COMMD10: variants seen among roughly 807,000 people sequenced by gnomAD.
COMMD10 encodes the protein COMM domain-containing protein 10.
A neutral mutation model predicts 28.9 loss-of-function variants in COMMD10; 33 were observed. That is an observed-to-expected ratio of 1.14 (90% CI 0.87 to 1.53). The LOEUF (loss-of-function observed/expected upper bound fraction) is 1.53. COMMD10 is among the 40% of genes most tolerant of loss of function. COMMD10 has a pLI of 0.00. For missense variants in COMMD10, 310 were observed against 233.4 expected (o/e 1.33, Z -2.14); for synonymous variants, 110 against 81.7 (o/e 1.35, Z -1.87).
At chr5:116,242,084 T>TC (rs1422681984) in intron 5 of COMMD10, among the ~76,000 whole-genome samples, 1 of 152,164 alleles carries the variant, frequency 6.6e-6, no homozygotes, top group African/African-American at 2.4e-5. Context: ...TAATGTACAT[T>TC]CCTTAACTCT....
intron 5 of COMMD10, among the ~76,000 whole-genome samples, chr5:116,204,482 C>T (rs1291003129): frequency 1.3e-5 from 2 of 150,672 alleles, no homozygotes; most frequent in East Asian, 3.9e-4. Flanking sequence ...AGTTCTGGTT[C>T]CTGATGGTAC....
intron 4 of COMMD10, among the ~76,000 whole-genome samples, chr5:116,112,226 T>G (rs1751068613): frequency 6.6e-6 from 1 of 152,190 alleles, no homozygotes. Flanking sequence ...TTCATTATTT[T>G]TTACTATTTT....
At chr5:116,245,161 AG>A (rs1749909686) in intron 5 of COMMD10, among the ~76,000 whole-genome samples, 1 of 152,122 alleles carries the variant, frequency 6.6e-6, no homozygotes, top group African/African-American at 2.4e-5. Flanking sequence ...AGAAATGATA[AG>A]GGGCGATTGC....
At chr5:116,202,455 C>T (rs944778210) in intron 5 of COMMD10, among the ~76,000 whole-genome samples, 399 of 152,072 alleles carry the variant, frequency 2.6e-3, no homozygotes, top group Non-Finnish European at 4.4e-3. Context: ...CCTGAGGAAT[C>T]GCCACACAGA....
chr5:116,125,705 G>C (rs1751605263), intron 4 of COMMD10, among the ~76,000 whole-genome samples: 1 of 152,002 alleles, frequency 6.6e-6, no homozygotes, highest in Non-Finnish European at 1.5e-5. Flanking sequence ...TATAGATTTG[G>C]TCTTTTCACA....
intron 5 of COMMD10, among the ~76,000 whole-genome samples, chr5:116,164,065 C>A (rs1580507986): frequency 6.6e-6 from 1 of 152,104 alleles, no homozygotes; most frequent in Admixed American, 6.5e-5. Context: ...GTCTGTAATC[C>A]CAGCATTTTG....
chr5:116,189,872 T>C (rs1402635532), intron 5 of COMMD10, among the ~76,000 whole-genome samples: 1 of 152,192 alleles, frequency 6.6e-6, no homozygotes, highest in Non-Finnish European at 1.5e-5. Context: ...TTTATTAATA[T>C]TATCTTTATT....
chr5:116,285,179 A>C (rs1751184201), intron 5 of COMMD10, among the ~76,000 whole-genome samples: 1 of 151,956 alleles, frequency 6.6e-6, no homozygotes, highest in Non-Finnish European at 1.5e-5. Context: ...ACAAGAGTAA[A>C]AATGGAGACC....
intron 5 of COMMD10, among the ~76,000 whole-genome samples, chr5:116,143,198 A>T (rs914819617): frequency 2.0e-4 from 30 of 151,050 alleles, no homozygotes; most frequent in African/African-American, 7.0e-4. Context: ...TCCTCCATAT[A>T]TGTGGGTGTG....
intron 5 of COMMD10, among the ~76,000 whole-genome samples, chr5:116,210,051 G>C (rs1248808037): frequency 6.6e-6 from 1 of 152,012 alleles, no homozygotes; most frequent in Non-Finnish European, 1.5e-5. Flanking sequence ...AAGAGGAGTT[G>C]TGCTTAGAAG....
intron 5 of COMMD10, among the ~76,000 whole-genome samples, chr5:116,238,293 G>T (rs1225987721): frequency 6.6e-6 from 1 of 152,166 alleles, no homozygotes; most frequent in Non-Finnish European, 1.5e-5. Flanking sequence ...ATATTTACTG[G>T]ACTGCATGAC....
At chr5:116,228,389 C>T (rs1234315355) in intron 5 of COMMD10, among the ~76,000 whole-genome samples, 1 of 151,386 alleles carries the variant, frequency 6.6e-6, no homozygotes, top group Non-Finnish European at 1.5e-5. Context: ...TTGATTTTGC[C>T]CAATGACACA....
intron 4 of COMMD10, among the ~76,000 whole-genome samples, chr5:116,104,344 C>T (rs1250557503): frequency 6.6e-6 from 1 of 152,102 alleles, no homozygotes; most frequent in Non-Finnish European, 1.5e-5. Flanking sequence ...TTGTAGTTCT[C>T]CTTGAAGAGG....
intron 5 of COMMD10, among the ~76,000 whole-genome samples, chr5:116,199,230 A>C (rs1437233505): frequency 6.6e-6 from 1 of 151,952 alleles, no homozygotes; most frequent in Non-Finnish European, 1.5e-5. Flanking sequence ...GCATCTTTTT[A>C]TATATTTATT....
chr5:116,238,516 A>G (rs1294677138), intron 5 of COMMD10, among the ~76,000 whole-genome samples: 1 of 152,210 alleles, frequency 6.6e-6, no homozygotes, highest in Non-Finnish European at 1.5e-5. Flanking sequence ...TTATTCAACA[A>G]ACCTAAAGCT....
intron 5 of COMMD10, among the ~76,000 whole-genome samples, chr5:116,155,693 T>A (rs925227686): frequency 2.0e-5 from 3 of 152,126 alleles, no homozygotes; most frequent in Middle Eastern, 3.4e-3. Flanking sequence ...CCTCCATATG[T>A]GTTGATTGTG....
chr5:116,275,563 T>G (rs979034591), intron 5 of COMMD10, among the ~76,000 whole-genome samples: 1 of 151,798 alleles, frequency 6.6e-6, no homozygotes. Context: ...CACATTGTCT[T>G]CATCATTGCT....
At chr5:116,167,366 T>G (rs955690726) in intron 5 of COMMD10, among the ~76,000 whole-genome samples, 1 of 152,092 alleles carries the variant, frequency 6.6e-6, no homozygotes, top group African/African-American at 2.4e-5. Flanking sequence ...AACCTGTGTT[T>G]GATTGGTGTA....
chr5:116,155,619 G>A (rs939458264), intron 5 of COMMD10, among the ~76,000 whole-genome samples: 5 of 152,060 alleles, frequency 3.3e-5, no homozygotes, highest in African/African-American at 1.2e-4. Flanking sequence ...ACAAAGTGAG[G>A]AATGTGACTA....
Sources: gnomAD v4.1 joint callset for allele counts (sites outside exome capture counted in the v4.1 genomes callset) on GRCh38, gnomAD v4.1.1 for gene constraint, MANE v1.5 for transcripts, NCBI Gene and HGNC (gene_info 2026-07-23, HGNC 2026-07-21) for gene names.